Variants in CALCRL observed in about 807,000 individuals in gnomAD.
CALCRL encodes calcitonin receptor like receptor.
Under a neutral mutation model 60.4 loss-of-function variants are expected in CALCRL, and 27 were observed. The ratio of observed to expected loss-of-function variants is 0.45; its 90% CI spans 0.33 to 0.62. The LOEUF (loss-of-function observed/expected upper bound fraction) is 0.62. Ranked by LOEUF, CALCRL falls within the 20% of genes least tolerant of loss-of-function variation. CALCRL has a pLI of 0.03. For synonymous variants in CALCRL, 190 were observed against 182.6 expected, an observed-to-expected ratio of 1.04 and a Z score of -0.33; for missense variants, 424 against 540.7, an observed-to-expected ratio of 0.78 and a Z score of 2.14.
At chr2:187,356,892 A>T (rs936070382) in intron 12 of CALCRL, among the ~76,000 whole-genome samples, 2 of 152,238 alleles carry the variant, frequency 1.3e-5, no homozygotes, top group African/African-American at 4.8e-5. Context: ...GCCAACAAAC[A>T]TATGAAAAAA....
chr2:187,429,520 C>T (rs533599471), intron 1 of CALCRL, among the ~76,000 whole-genome samples: 1 of 152,192 alleles, frequency 6.6e-6, no homozygotes, highest in South Asian at 2.1e-4. Flanking sequence ...AGACTGGGAG[C>T]CCCCTCTCCT....
intron 8 of CALCRL, among the ~76,000 whole-genome samples, chr2:187,376,437 G>A (rs1687759092): frequency 6.6e-6 from 1 of 151,996 alleles, no homozygotes; most frequent in South Asian, 2.1e-4. Context: ...CACTTGATAA[G>A]CTAATTTTTA....
rs543467805 is a variant in CALCRL, at chr2:187,347,650, C to T, written c.1171-1251G>A. Among the ~76,000 whole-genome samples the T allele has an allele frequency of 5.7e-4, 86 of 151,888 alleles. 1 individual carries two copies. Among genetic ancestry groups the T allele is most frequent in the Middle Eastern group, 6.8e-3 (2 of 294 alleles). On this transcript the variant is annotated intron_variant, in intron 14 of 14. Transcript: ENST00000392370. The stretch of plus-strand genomic sequence containing the variant: ...AAACACACACACACACACATACACA[C>T]ACACACAAAACCTCAATTCCTCCAA...
chr2:187,412,876 T>G (rs1241147498), intron 1 of CALCRL, among the ~76,000 whole-genome samples: 1 of 152,324 alleles, frequency 6.6e-6, no homozygotes, highest in Admixed American at 6.5e-5. Context: ...TTTTTATTGA[T>G]TGTTTTCTCT....
intron 5 of CALCRL, 126 bp from the exon 6 acceptor site, chr2:187,380,913 G>A (rs1511877): frequency 0.99 from 491,109 of 496,896 alleles, 242,941 homozygotes; most frequent in East Asian, 1. Context: ...GACATTATAT[G>A]AAAATCTATA....
At chr2:187,425,287 A>G (rs1263947158) in intron 1 of CALCRL, among the ~76,000 whole-genome samples, 2 of 151,998 alleles carry the variant, frequency 1.3e-5, no homozygotes, top group African/African-American at 2.4e-5. Flanking sequence ...AAAAACAAAA[A>G]CAAAAGCAAG....
At chr2:187,409,905 G>C (rs1470172588) in intron 1 of CALCRL, among the ~76,000 whole-genome samples, 1 of 152,174 alleles carries the variant, frequency 6.6e-6, no homozygotes, top group Non-Finnish European at 1.5e-5. Context: ...GAAAGGAATG[G>C]AGGGCAGAAG....
intron 1 of CALCRL, among the ~76,000 whole-genome samples, chr2:187,443,108 A>G (rs987485026): frequency 1.3e-5 from 2 of 151,852 alleles, no homozygotes; most frequent in South Asian, 2.1e-4. Context: ...GTAATTATCA[A>G]TATCAATTTT....
intron 1 of CALCRL, among the ~76,000 whole-genome samples, chr2:187,447,173 T>A (rs80122177): frequency 0.04 from 6,097 of 152,112 alleles, 182 homozygotes; most frequent in South Asian, 0.12. Context: ...AATTCTTTTT[T>A]AATAAATACT....
intron 1 of CALCRL, among the ~76,000 whole-genome samples, chr2:187,441,623 A>T (rs1017302297): frequency 6.6e-6 from 1 of 152,238 alleles, no homozygotes; most frequent in Admixed American, 6.5e-5. Context: ...ATGTATAGTC[A>T]TATGAGTTAA....
At chr2:187,348,825 A>G (rs1686398874) in intron 14 of CALCRL, among the ~76,000 whole-genome samples, 1 of 151,678 alleles carries the variant, frequency 6.6e-6, no homozygotes, top group Admixed American at 6.6e-5. Flanking sequence ...ACATTAAAGC[A>G]GCTACTCTTA....
chr2:187,360,867 C>T, intron 9 of CALCRL, 116 bp from the exon 10 acceptor site: 1 of 872,086 alleles, frequency 1.1e-6, no homozygotes, highest in African/African-American at 1.7e-5. Flanking sequence ...AAATCCTATA[C>T]ATTAATGATT....
At chr2:187,433,713 T>C (rs1384217518) in intron 1 of CALCRL, among the ~76,000 whole-genome samples, 1 of 152,094 alleles carries the variant, frequency 6.6e-6, no homozygotes, top group Non-Finnish European at 1.5e-5. Context: ...CTATACTTTC[T>C]TGATATAATG....
chr2:187,366,422 C>T (rs1687295554), intron 8 of CALCRL, among the ~76,000 whole-genome samples: 1 of 151,642 alleles, frequency 6.6e-6, no homozygotes, highest in African/African-American at 2.4e-5. Context: ...ATTGAATTTT[C>T]CCAACACAAA....
intron 1 of CALCRL, among the ~76,000 whole-genome samples, chr2:187,442,406 T>C (rs932535946): frequency 1.3e-5 from 2 of 151,594 alleles, no homozygotes; most frequent in African/African-American, 4.8e-5. Context: ...TTTGGTTTCA[T>C]TACATTCTCA....
At chr2:187,376,934 A>G (rs1687781371) in intron 8 of CALCRL, among the ~76,000 whole-genome samples, 1 of 152,152 alleles carries the variant, frequency 6.6e-6, no homozygotes, top group Non-Finnish European at 1.5e-5. Flanking sequence ...GTGGTCTTCC[A>G]AATGTTAATT....
intron 1 of CALCRL, among the ~76,000 whole-genome samples, chr2:187,441,397 G>A (rs984414526): frequency 6.6e-6 from 1 of 152,048 alleles, no homozygotes; most frequent in African/African-American, 2.4e-5. Context: ...GTGACAAGAT[G>A]AAAAATAGAG....
At chr2:187,382,063 G>C (rs931861514) in intron 5 of CALCRL, among the ~76,000 whole-genome samples, 5 of 152,200 alleles carry the variant, frequency 3.3e-5, no homozygotes, top group Middle Eastern at 3.4e-3. Context: ...TGTAGTTTTA[G>C]AAAGCATCTC....
chr2:187,348,976 A>G (rs548513631), intron 14 of CALCRL, among the ~76,000 whole-genome samples: 12 of 151,844 alleles, frequency 7.9e-5, no homozygotes, highest in African/African-American at 2.9e-4. Flanking sequence ...TTAGAATGTA[A>G]CATTACAACT....
Sources: allele counts gnomAD v4.1 joint callset (sites outside exome capture counted in the v4.1 genomes callset), GRCh38; gene constraint gnomAD v4.1.1; transcripts MANE v1.5; gene names NCBI Gene and HGNC (gene_info 2026-07-23, HGNC 2026-07-21).